Variants in NLRC5 observed in about 807,000 individuals in gnomAD.
NLRC5 encodes the protein NLR family CARD domain containing 5.
A neutral mutation model predicts 206.9 loss-of-function variants in NLRC5; 114 were observed. The observed-to-expected ratio is 0.55, with a 90% CI of 0.47 to 0.64. NLRC5 has a LOEUF of 0.64. NLRC5 is among the 30% of genes least tolerant of loss of function. The pLI is 0.00. For synonymous variants in NLRC5, 952 were observed against 962.8 expected (o/e 0.99, Z 0.21); for missense variants, 2,008 against 2,305.5 (o/e 0.87, Z 2.64).
At chr16:57,039,739 C>G in intron 15 of NLRC5, 42 bp from the exon 16 acceptor site, 1 of 1,554,160 alleles carries the variant, frequency 6.4e-7, no homozygotes, top group Non-Finnish European at 8.9e-7. Context: ...TAACAGGGAG[C>G]CAATAACCTC....
rs139249521 is a variant in NLRC5, at chr16:57,061,522, C to G, written c.4061C>G (p.Thr1354Arg). The G allele has an allele frequency of 1.2e-6, 2 of 1,609,916 alleles. No individual in the cohort carries two copies. The highest frequency in any genetic ancestry group is 1.7e-6 in the Non-Finnish European group (2 of 1,180,010). ...ATGLSKSLQL[T>R]ELTLTQCCLG... The stretch of plus-strand genomic sequence containing the variant: ...GGCTTGAGCAAGTCCCTGCAGCTGA[C>G]GGAGCTCACGTGAGTGACCCACCCA... The change falls in exon 31 of 49, where the codon ACG becomes AGG. Residue 1354 changes from threonine to arginine, a missense_variant. Transcript: ENST00000688547.
At chr16:57,060,827 T>C (rs1303019950) in intron 30 of NLRC5, among the ~76,000 whole-genome samples, 2 of 152,174 alleles carry the variant, frequency 1.3e-5, no homozygotes, top group Non-Finnish European at 2.9e-5. Flanking sequence ...CCTGGAAGTA[T>C]CCCAGCAGCC....
At chr16:57,069,674 C>G in intron 36 of NLRC5, 162 bp from the exon 37 acceptor site, 1 of 644,464 alleles carries the variant, frequency 1.6e-6, no homozygotes, top group South Asian at 1.8e-5. Flanking sequence ...TCTGTGGTGG[C>G]TTAATGAGTT....
intron 2 of NLRC5, among the ~76,000 whole-genome samples, chr16:57,020,256 A>G (rs1010619742): frequency 1.6e-5 from 2 of 127,510 alleles, no homozygotes; most frequent in Non-Finnish European, 3.2e-5. Context: ...CCTGTTCTCC[A>G]TCTAATCTTC....
intron 43 of NLRC5, 67 bp downstream of exon 43, chr16:57,078,087 G>GT (rs1460657459): frequency 8.4e-5 from 113 of 1,345,848 alleles, no homozygotes; most frequent in Admixed American, 1.5e-4. Flanking sequence ...GCAGTGGGGG[G>GT]GTCCAGGCCC....
At chr16:57,068,937 A>G (rs1034410732) in intron 36 of NLRC5, among the ~76,000 whole-genome samples, 1 of 152,096 alleles carries the variant, frequency 6.6e-6, no homozygotes, top group Non-Finnish European at 1.5e-5. Flanking sequence ...ATGTTTCCTC[A>G]TGTTTAGAGT....
At chr16:57,037,161 C>G (rs199475984) in intron 14 of NLRC5, 34 bp from the exon 15 acceptor site, 2 of 1,585,724 alleles carry the variant, frequency 1.3e-6, no homozygotes, top group South Asian at 2.2e-5. Flanking sequence ...ACCTCAGCCA[C>G]ATGCCAACGG....
chr16:57,024,711 A>G (rs1214391609), intron 5 of NLRC5, among the ~76,000 whole-genome samples: 1 of 152,198 alleles, frequency 6.6e-6, no homozygotes, highest in African/African-American at 2.4e-5. Flanking sequence ...GGTTGTTTCA[A>G]TAAGATATTG....
intron 18 of NLRC5, 76 bp from the exon 19 acceptor site, chr16:57,041,904 CTG>C (rs1168304696): frequency 2.1e-6 from 2 of 960,436 alleles, no homozygotes; most frequent in South Asian, 1.7e-5. Context: ...AGTTGAGTAA[CTG>C]GAATGCAGGG....
In NLRC5 at chr16:57,015,945, A is replaced by AG. The variant is rs1555515719; in HGVS notation, c.-127-1129_-127-1128insG. Among the ~76,000 whole-genome samples, 550 of 55,578 alleles carry AG rather than the reference A, an allele frequency of 9.9e-3. 7 individuals carry two copies. Among genetic ancestry groups the AG allele is most frequent in the East Asian group, 0.074 (158 of 2,122 alleles). The allele number at this position is 55,578 out of a possible 152,430, so 36.5% of individuals were successfully genotyped here. A position where few individuals can be genotyped will look rare whatever the true frequency, so the allele number is the denominator to read the frequency against. ...CATCTCAAAAAAAAAAAAAAAAAAAAAAAGAAAGAAAAGAAAAGAAGCACT... is the reference window on the plus strand; with the variant it reads ...CATCTCAAAAAAAAAAAAAAAAAAAAGAAAGAAAGAAAAGAAAAGAAGCACT... On this transcript the variant is annotated intron_variant, in intron 1 of 48. Transcript: ENST00000688547.
At chr16:57,056,570 G>A (rs1237472339) in intron 27 of NLRC5, among the ~76,000 whole-genome samples, 2 of 151,722 alleles carry the variant, frequency 1.3e-5, no homozygotes, top group Admixed American at 6.6e-5. Flanking sequence ...GGCATGAGCC[G>A]CTGTGCTTGG....
intron 1 of NLRC5, among the ~76,000 whole-genome samples, chr16:57,009,009 T>C (rs1029951779): frequency 3.2e-4 from 48 of 151,960 alleles, no homozygotes; most frequent in African/African-American, 1.1e-3. Flanking sequence ...TATAAGAAAA[T>C]AGGCCGTGCA....
chr16:57,039,286 C>G (rs2062986467), intron 15 of NLRC5, among the ~76,000 whole-genome samples: 1 of 152,156 alleles, frequency 6.6e-6, no homozygotes, highest in African/African-American at 2.4e-5. Context: ...CTTACTTAGG[C>G]AATAGATACA....
intron 11 of NLRC5, 98 bp from the exon 12 acceptor site, chr16:57,033,506 C>A: frequency 8.7e-7 from 1 of 1,148,188 alleles, no homozygotes; most frequent in Non-Finnish European, 1.3e-6. Context: ...TTGGGTTGTG[C>A]TTCAGGGTCT....
chr16:57,058,165 A>G lies in NLRC5; in HGVS notation c.3830+17A>G, dbSNP rs1477797518. The G allele has an allele frequency of 1.3e-6, 2 of 1,596,846 alleles. No individual in the cohort carries two copies. The highest frequency in any genetic ancestry group is 1.7e-5 in the Admixed American group (1 of 58,914). On this transcript the variant is annotated intron_variant, in intron 28 of 48. Coordinates refer to ENST00000688547, the MANE Select transcript of NLRC5 (RefSeq NM_001384950.1). Reference sequence around the variant, plus strand: ...TTTGCTTGAGTAAGTGGAAAGCAGCATAAAGGACAGATAGCAAGGAGGAAG... The same window carrying G: ...TTTGCTTGAGTAAGTGGAAAGCAGCGTAAAGGACAGATAGCAAGGAGGAAG...
intron 1 of NLRC5, among the ~76,000 whole-genome samples, chr16:56,994,885 A>ATGGGC (rs1477919483): frequency 6.6e-6 from 1 of 152,144 alleles, no homozygotes; most frequent in Non-Finnish European, 1.5e-5. Context: ...TAATTTAATA[A>ATGGGC]TGGGCTGGGC....
intron 8 of NLRC5, among the ~76,000 whole-genome samples, chr16:57,029,116 G>A (rs1293446226): frequency 4.6e-5 from 7 of 152,164 alleles, no homozygotes; most frequent in Non-Finnish European, 7.3e-5. Context: ...CCCTATTGTC[G>A]TCTCGGCTGG....
At chr16:57,047,964 G>T in intron 23 of NLRC5, 1 of 327,370 alleles carries the variant, frequency 3.1e-6, no homozygotes, top group East Asian at 5.5e-5. Context: ...TGCCTGCATG[G>T]CTGGAGCGTA....
At chr16:57,067,069 G>A (rs1013834032) in intron 34 of NLRC5, among the ~76,000 whole-genome samples, 5 of 152,100 alleles carry the variant, frequency 3.3e-5, no homozygotes, top group African/African-American at 1.2e-4. Flanking sequence ...GCACAGTTTG[G>A]GAAATTAAAA....
Sources: gnomAD v4.1 joint callset for allele counts (sites outside exome capture counted in the v4.1 genomes callset) on GRCh38, gnomAD v4.1.1 for gene constraint, MANE v1.5 for transcripts, NCBI Gene and HGNC (gene_info 2026-07-23, HGNC 2026-07-21) for gene names.